Variants in FHOD3 observed in about 807,000 individuals in gnomAD.
FHOD3 encodes FH1/FH2 domain-containing protein 3.
Under a neutral mutation model 173.0 loss-of-function variants are expected in FHOD3, and 90 were observed. The ratio of observed to expected loss-of-function variants is 0.52; its 90% CI spans 0.44 to 0.62. The LOEUF (loss-of-function observed/expected upper bound fraction) is 0.62, where lower values mean the gene tolerates loss of function less well. Among genes scored for constraint, FHOD3 ranks in the 20% least tolerant of loss-of-function variants. FHOD3 has a pLI of 0.00. For missense variants in FHOD3, 1,945 were observed against 2,034.7 expected (o/e 0.96, Z 0.85); for synonymous variants, 828 against 823.0 (o/e 1.01, Z -0.10).
chr18:36,457,876 T>A (rs1467217873), intron 3 of FHOD3, among the ~76,000 whole-genome samples: 1 of 152,206 alleles, frequency 6.6e-6, no homozygotes, highest in Non-Finnish European at 1.5e-5. Flanking sequence ...AGTAGACTAA[T>A]TATAGCCTCA....
intron 3 of FHOD3, among the ~76,000 whole-genome samples, chr18:36,493,665 C>A (rs898655837): frequency 6.6e-6 from 1 of 152,126 alleles, no homozygotes; most frequent in Non-Finnish European, 1.5e-5. Flanking sequence ...AAATGCCTGG[C>A]AGATAAGGAG....
chr18:36,467,590 C>T (rs750015724), intron 3 of FHOD3, among the ~76,000 whole-genome samples: 1 of 152,122 alleles, frequency 6.6e-6, no homozygotes, highest in Admixed American at 6.5e-5. Context: ...TGCCTGGACT[C>T]AAATCCCAGC....
intron 3 of FHOD3, among the ~76,000 whole-genome samples, chr18:36,493,288 G>A (rs59624239): frequency 6.8e-6 from 1 of 147,156 alleles, no homozygotes; most frequent in Non-Finnish European, 1.5e-5. Context: ...AGGAAAATAA[G>A]ATTTCCAAAG....
At chr18:36,664,945 A>ACCC (rs1372418366) in intron 14 of FHOD3, among the ~76,000 whole-genome samples, 1 of 151,778 alleles carries the variant, frequency 6.6e-6, no homozygotes, top group Non-Finnish European at 1.5e-5. Flanking sequence ...CAACAAAGAG[A>ACCC]CCCCAGGTGT....
chr18:36,308,885 C>G (rs2092175040), intron 1 of FHOD3, among the ~76,000 whole-genome samples: 1 of 152,186 alleles, frequency 6.6e-6, no homozygotes, highest in East Asian at 1.9e-4. Flanking sequence ...GCCTTCAGAT[C>G]CCTAAACTGT....
At chr18:36,566,279 A>G (rs1248820474) in intron 5 of FHOD3, among the ~76,000 whole-genome samples, 1 of 151,512 alleles carries the variant, frequency 6.6e-6, no homozygotes, top group Non-Finnish European at 1.5e-5. Context: ...TGTATCTCTA[A>G]TGTATCTCTA....
In FHOD3 at chr18:36,474,716, A is replaced by C. The variant is rs2053462358; in HGVS notation, c.338-27216A>C. On this transcript the variant is annotated intron_variant, in intron 3 of 28. Transcript: ENST00000590592. ...CTGGCTCAGTTGGTTCAACAACCAC[A>C]CCTCTTAGATCACCTTTGCGTTAGA... 2.0e-5 allele frequency among the ~76,000 whole-genome samples: 3 copies of C among 151,998 alleles called. No individual in the cohort carries two copies. The South Asian group carries it at 6.2e-4, about 32-fold the overall frequency.
chr18:36,683,151 A>AT (rs1458590823), intron 15 of FHOD3, among the ~76,000 whole-genome samples: 1 of 152,176 alleles, frequency 6.6e-6, no homozygotes, highest in Non-Finnish European at 1.5e-5. Context: ...TGTATGCACC[A>AT]TTTTTCATGA....
In FHOD3 at chr18:36,779,868, A is replaced by G. The variant is rs2043957740; in HGVS notation, c.*338A>G. The G allele has an allele frequency of 2.3e-6, 1 of 443,874 alleles. No homozygotes were observed. Among genetic ancestry groups the G allele is most frequent in the African/African-American group, 2.0e-5 (1 of 50,560 alleles). 27.5% of individuals were successfully genotyped at this position (443,874 alleles called of 1,614,324 possible). ...CTGTCACAGTTATTATGGTAATATG[A>G]GGCAATCTGATTAGCTTCACAGACT... On this transcript the variant is annotated 3_prime_UTR_variant, in exon 29 of 29. Transcript: ENST00000590592.
intron 3 of FHOD3, among the ~76,000 whole-genome samples, chr18:36,387,029 A>G (rs776032548): frequency 2.0e-5 from 3 of 152,116 alleles, no homozygotes; most frequent in African/African-American, 2.4e-5. Context: ...TGGAATATCT[A>G]TTTTTCTTTC....
chr18:36,640,958 C>T (rs1382498215), intron 10 of FHOD3, among the ~76,000 whole-genome samples: 2 of 152,200 alleles, frequency 1.3e-5, no homozygotes, highest in Non-Finnish European at 2.9e-5. Flanking sequence ...GATCAGAGTT[C>T]TTACTGGCAA....
intron 25 of FHOD3, among the ~76,000 whole-genome samples, chr18:36,756,548 C>T (rs960879221): frequency 6.6e-6 from 1 of 152,104 alleles, no homozygotes; most frequent in African/African-American, 2.4e-5. Flanking sequence ...CTGAAGCCGC[C>T]CTATGTGCAC....
intron 1 of FHOD3, among the ~76,000 whole-genome samples, chr18:36,303,353 A>T (rs892517082): frequency 6.6e-6 from 1 of 152,088 alleles, no homozygotes; most frequent in Non-Finnish European, 1.5e-5. Context: ...CTCTGTGCAG[A>T]TGGGGGTGGG....
rs756651167 is a variant in FHOD3 at position 36,576,494 on chromosome 18, A to G, written c.555A>G (p.Val185=). ...TGTATGTGGATGGAATGAATGGAGT[A>G]ATAAACCGCAATGAAACCATTCAGT... is the stretch of plus-strand genomic sequence containing the variant. The part of the protein sequence containing the change: ...IMLYVDGMNG[V]INRNETIQWL... Residue 185 remains valine, a synonymous_variant, in exon 6 of 29, where the codon GTA becomes GTG. Transcript: ENST00000590592. 1.2e-6 allele frequency: 2 copies of G among 1,613,914 alleles called. No individual in the cohort carries two copies. The highest frequency in any genetic ancestry group is 1.7e-6 in the Non-Finnish European group (2 of 1,179,926).
intron 15 of FHOD3, among the ~76,000 whole-genome samples, chr18:36,683,981 C>T (rs953099267): frequency 6.6e-6 from 1 of 152,162 alleles, no homozygotes; most frequent in Non-Finnish European, 1.5e-5. Flanking sequence ...CCCAAGGAGC[C>T]AGAAAGTGTT....
chr18:36,386,599 G>A (rs1328100557), intron 3 of FHOD3, among the ~76,000 whole-genome samples: 1 of 152,206 alleles, frequency 6.6e-6, no homozygotes, highest in Non-Finnish European at 1.5e-5. Flanking sequence ...TGAAGAGTGG[G>A]ATCAGTGAGG....
At chr18:36,774,265 G>A (rs1202321541) in intron 28 of FHOD3, among the ~76,000 whole-genome samples, 1 of 152,190 alleles carries the variant, frequency 6.6e-6, no homozygotes, top group Non-Finnish European at 1.5e-5. Context: ...ATAGTAGGAG[G>A]GCATGGGCTG....
rs2057449627 is a variant in FHOD3, at chr18:36,547,283, T to C, written c.512-29168T>C. ...GAGTGGAAAGTTTCTCCTTCCCATCTCTCTCCAAGGCCATGGTTGCACATC... is the reference window on the plus strand; with the variant it reads ...GAGTGGAAAGTTTCTCCTTCCCATCCCTCTCCAAGGCCATGGTTGCACATC... On this transcript the variant is annotated intron_variant, in intron 5 of 28. Transcript: ENST00000590592. 1.3e-5 allele frequency among the ~76,000 whole-genome samples: 2 copies of C among 152,060 alleles called. 1 individual carries two copies. Among genetic ancestry groups the C allele is most frequent in the South Asian group, 4.1e-4 (2 of 4,824 alleles).
At chr18:36,695,108 C>T (rs1393458767) in intron 17 of FHOD3, among the ~76,000 whole-genome samples, 1 of 150,252 alleles carries the variant, frequency 6.7e-6, no homozygotes, top group Non-Finnish European at 1.5e-5. Context: ...TTTGGGAGGC[C>T]GAGGTGGGTG....
Sources: allele counts gnomAD v4.1 joint callset (sites outside exome capture counted in the v4.1 genomes callset), GRCh38; gene constraint gnomAD v4.1.1; transcripts MANE v1.5; gene names NCBI Gene and HGNC (gene_info 2026-07-23, HGNC 2026-07-21).